The following STXBP5L variants were observed in gnomAD, a reference collection of about 807,000 sequenced individuals.
STXBP5L encodes the protein syntaxin-binding protein 5-like.
A neutral mutation model predicts 144.5 loss-of-function variants in STXBP5L; 65 were observed. The ratio of observed to expected loss-of-function variants is 0.45; its 90% CI spans 0.37 to 0.55. The LOEUF (loss-of-function observed/expected upper bound fraction) is 0.55. Among genes scored for constraint, STXBP5L ranks in the 20% least tolerant of loss-of-function variants. STXBP5L has a pLI of 0.00. For synonymous variants in STXBP5L, 505 were observed against 469.6 expected (o/e 1.08, Z -0.97); for missense variants, 1,298 against 1,405.5 (o/e 0.92, Z 1.22).
intron 3 of STXBP5L, among the ~76,000 whole-genome samples, chr3:121,040,926 A>G (rs1365405705): frequency 1.3e-5 from 2 of 152,114 alleles, no homozygotes; most frequent in Admixed American, 6.6e-5. Flanking sequence ...ATTCCTCATT[A>G]TGACCGTAAG....
chr3:121,069,183 A>T (rs1414983322), intron 5 of STXBP5L, among the ~76,000 whole-genome samples: 6 of 152,228 alleles, frequency 3.9e-5, no homozygotes, highest in Admixed American at 2.0e-4. Flanking sequence ...TAACGCCTGG[A>T]ATTCACTAAT....
At position 121,223,174 on chromosome 3, in the gene STXBP5L, A is replaced by G. The variant is rs200080603; in HGVS notation, c.1111+17A>G. 2.4e-4 allele frequency: 380 copies of G among 1,571,108 alleles called. No homozygotes were observed. The highest frequency in any genetic ancestry group is 3.0e-4 in the Non-Finnish European group (355 of 1,165,962). On this transcript the variant is annotated intron_variant, in intron 11 of 26. Coordinates refer to ENST00000471454, the MANE Select transcript of STXBP5L (RefSeq NM_001308330.2). ...ATCCAAATGGTAAGTAACTAAAATG[A>G]AACTATTAATGTTGAAAATCATTTT...
chr3:121,185,806 T>C (rs1031938809), intron 9 of STXBP5L, among the ~76,000 whole-genome samples: 5 of 149,114 alleles, frequency 3.4e-5, no homozygotes, highest in African/African-American at 1.0e-4. Flanking sequence ...ATATGAACTT[T>C]AAAGTTGTTT....
chr3:121,401,364 T>C (rs960832351), intron 22 of STXBP5L, among the ~76,000 whole-genome samples: 3 of 151,480 alleles, frequency 2.0e-5, no homozygotes, highest in African/African-American at 4.9e-5. Context: ...GTACTAGAAA[T>C]ACCATTTGAC....
intron 3 of STXBP5L, among the ~76,000 whole-genome samples, chr3:121,033,320 A>G (rs1444015971): frequency 8.3e-6 from 1 of 120,372 alleles, no homozygotes; most frequent in East Asian, 2.5e-4. Flanking sequence ...CTATCGCAAG[A>G]ACAAAAAACC....
chr3:121,303,102 A>G (rs1428887232), intron 19 of STXBP5L, among the ~76,000 whole-genome samples: 3 of 152,074 alleles, frequency 2.0e-5, no homozygotes, highest in Admixed American at 1.3e-4. Context: ...GCAACCTACA[A>G]AATGGGAGAA....
In STXBP5L at chr3:120,978,959, G is replaced by A. The variant is rs546034715; in HGVS notation, c.287+23922G>A. 1.2e-3 allele frequency among the ~76,000 whole-genome samples: 190 copies of A among 152,278 alleles called. 1 individual carries two copies. The highest frequency in any genetic ancestry group is 2.4e-3 in the Non-Finnish European group (162 of 68,010). On this transcript the variant is annotated intron_variant, in intron 3 of 26. Transcript: ENST00000471454. ...TGAGGTGTCAGTCTGCCCTTACTGG[G>A]GGGTGCCTCCCAGTTATGCTGCTTG...
At chr3:121,029,607 G>T (rs913525028) in intron 3 of STXBP5L, among the ~76,000 whole-genome samples, 2 of 152,214 alleles carry the variant, frequency 1.3e-5, no homozygotes, top group South Asian at 4.1e-4. Flanking sequence ...ATACCATTCA[G>T]GACATAGGCA....
chr3:120,925,544 G>A (rs1709580123), intron 2 of STXBP5L, among the ~76,000 whole-genome samples: 1 of 152,032 alleles, frequency 6.6e-6, no homozygotes. Context: ...TTCAGAATGT[G>A]GATTTATTGT....
intron 2 of STXBP5L, among the ~76,000 whole-genome samples, chr3:120,949,824 T>A (rs896955804): frequency 6.6e-6 from 1 of 152,152 alleles, no homozygotes; most frequent in African/African-American, 2.4e-5. Flanking sequence ...AACTATAGCC[T>A]TGTAGTATAG....
chr3:121,051,071 C>G (rs1462398293), intron 5 of STXBP5L, among the ~76,000 whole-genome samples: 1 of 152,072 alleles, frequency 6.6e-6, no homozygotes, highest in Non-Finnish European at 1.5e-5. Flanking sequence ...ACAGGAGCAC[C>G]CAGATTCATA....
intron 10 of STXBP5L, among the ~76,000 whole-genome samples, chr3:121,213,323 T>C (rs1254768309): frequency 6.6e-6 from 1 of 152,194 alleles, no homozygotes; most frequent in African/African-American, 2.4e-5. Flanking sequence ...CTTTTGCCCA[T>C]TGAGTATGAT....
intron 2 of STXBP5L, among the ~76,000 whole-genome samples, chr3:120,931,348 C>T (rs1709925184): frequency 6.6e-6 from 1 of 152,112 alleles, no homozygotes; most frequent in Admixed American, 6.6e-5. Flanking sequence ...GAGCCTTTAG[C>T]TATTAGTGTG....
intron 5 of STXBP5L, among the ~76,000 whole-genome samples, chr3:121,053,726 A>G (rs542931206): frequency 1.2e-3 from 186 of 152,362 alleles, no homozygotes; most frequent in Non-Finnish European, 2.2e-3. Context: ...ACAAAAGCCA[A>G]AATTGACAAA....
intron 9 of STXBP5L, among the ~76,000 whole-genome samples, chr3:121,176,306 A>G (rs891741069): frequency 6.6e-6 from 1 of 152,002 alleles, no homozygotes; most frequent in African/African-American, 2.4e-5. Flanking sequence ...AAGATCTAAA[A>G]TCAGTAAGCA....
At chr3:121,363,166 G>T (rs958360208) in intron 20 of STXBP5L, among the ~76,000 whole-genome samples, 19 of 152,196 alleles carry the variant, frequency 1.2e-4, no homozygotes, top group Admixed American at 2.0e-4. Flanking sequence ...GAAAGAAGGG[G>T]TCTCTATTGG....
At chr3:121,196,030 G>T (rs890280760) in intron 9 of STXBP5L, among the ~76,000 whole-genome samples, 1 of 151,768 alleles carries the variant, frequency 6.6e-6, no homozygotes, top group Non-Finnish European at 1.5e-5. Flanking sequence ...GGCTATTTGG[G>T]GTCTTTTGTG....
At chr3:121,283,907 G>C (rs1034002271) in intron 19 of STXBP5L, among the ~76,000 whole-genome samples, 1 of 151,630 alleles carries the variant, frequency 6.6e-6, no homozygotes, top group Admixed American at 6.6e-5. Flanking sequence ...GTGTGTGTGT[G>C]TGTGTGTGTG....
intron 12 of STXBP5L, among the ~76,000 whole-genome samples, chr3:121,235,863 AC>A (rs1246740029): frequency 6.6e-5 from 10 of 150,898 alleles, no homozygotes; most frequent in African/African-American, 2.4e-4. Context: ...ACACACACAC[AC>A]TATATTCTCT....
Sources: gnomAD v4.1 joint callset for allele counts (sites outside exome capture counted in the v4.1 genomes callset) on GRCh38, gnomAD v4.1.1 for gene constraint, MANE v1.5 for transcripts, NCBI Gene and HGNC (gene_info 2026-07-23, HGNC 2026-07-21) for gene names.